The following NRG3 variants were observed in gnomAD, a reference collection of about 807,000 sequenced individuals.
The protein encoded by NRG3 is pro-neuregulin-3, membrane-bound isoform.
A neutral mutation model predicts 66.9 loss-of-function variants in NRG3; 31 were observed. That is an observed-to-expected ratio of 0.46 (90% CI 0.35 to 0.63). NRG3 has a LOEUF of 0.63. Among genes scored for constraint, NRG3 ranks in the 20% least tolerant of loss-of-function variants. The pLI, the probability that NRG3 is intolerant of heterozygous loss-of-function variation, is 0.00. For synonymous variants in NRG3, 393 were observed against 359.4 expected (o/e 1.09, Z -1.06); for missense variants, 910 against 878.9 (o/e 1.04, Z -0.45).
intron 3 of NRG3, among the ~76,000 whole-genome samples, chr10:82,743,629 G>A (rs927744759): frequency 1.3e-5 from 2 of 152,194 alleles, no homozygotes; most frequent in African/African-American, 4.8e-5. Flanking sequence ...CCTTCCTCAT[G>A]TTCCCAGGGA....
chr10:82,313,633 TG>T (rs1445974651), intron 1 of NRG3, among the ~76,000 whole-genome samples: 1 of 141,180 alleles, frequency 7.1e-6, no homozygotes, highest in Non-Finnish European at 1.5e-5. Flanking sequence ...ATGATGGATG[TG>T]GGAATGAGCT....
intron 2 of NRG3, among the ~76,000 whole-genome samples, chr10:82,600,415 ATATTG>A (rs1180699978): frequency 6.6e-6 from 1 of 152,160 alleles, no homozygotes; most frequent in Non-Finnish European, 1.5e-5. Context: ...TTTTTGGAAT[ATATTG>A]TATTGTATAG....
chr10:81,964,492 A>G (rs2059656372), intron 1 of NRG3, among the ~76,000 whole-genome samples: 1 of 152,046 alleles, frequency 6.6e-6, no homozygotes, highest in South Asian at 2.1e-4. Context: ...ACCGTACAGT[A>G]GTGAATTTAA....
intron 1 of NRG3, among the ~76,000 whole-genome samples, chr10:82,181,654 T>A (rs1414077384): frequency 1.3e-5 from 2 of 151,890 alleles, no homozygotes; most frequent in African/African-American, 4.8e-5. Flanking sequence ...TTAAATTTGT[T>A]AGGACAAGTC....
rs537143874 is a variant in NRG3 at position 82,502,755 on chromosome 10, G to A, written c.953+143887G>A. ...TCACACTAGTATGGAATTTAACAAG[G>A]TAATTTAAAAATTATTTTCTATAAC... On this transcript the variant is annotated intron_variant, in intron 2 of 8. Transcript: ENST00000372141. Among the ~76,000 whole-genome samples, 17 of 152,072 alleles carry A rather than the reference G, an allele frequency of 1.1e-4. No individual in the cohort carries two copies. The South Asian group carries it at 2.5e-3, about 22-fold the overall frequency.
At chr10:82,115,922 C>T (rs2067683783) in intron 1 of NRG3, among the ~76,000 whole-genome samples, 1 of 152,196 alleles carries the variant, frequency 6.6e-6, no homozygotes, top group African/African-American at 2.4e-5. Flanking sequence ...CTCACATGAT[C>T]CTGGTCCCTG....
At chr10:82,885,767 GC>G (rs1258171009) in intron 4 of NRG3, among the ~76,000 whole-genome samples, 2 of 152,132 alleles carry the variant, frequency 1.3e-5, no homozygotes, top group African/African-American at 4.8e-5. Flanking sequence ...TCACCGTGTT[GC>G]CCAGTCTGGT....
intron 2 of NRG3, among the ~76,000 whole-genome samples, chr10:82,559,443 T>C (rs1472361982): frequency 6.6e-6 from 1 of 152,186 alleles, no homozygotes; most frequent in East Asian, 1.9e-4. Flanking sequence ...ACTCACCCAG[T>C]TGAGTACTTA....
intron 2 of NRG3, among the ~76,000 whole-genome samples, chr10:82,480,684 C>A (rs978914671): frequency 1.3e-5 from 2 of 152,196 alleles, no homozygotes; most frequent in African/African-American, 4.8e-5. Flanking sequence ...TTCATACAGC[C>A]CGTGCATGGC....
Position 82,120,016 on chromosome 10 carries a change from A to G in NRG3, c.824-238723A>G, listed in dbSNP as rs940119039. Among the ~76,000 whole-genome samples the G allele has an allele frequency of 5.3e-5, 8 of 152,160 alleles. 1 individual carries two copies. The highest frequency in any genetic ancestry group is 2.0e-4 in the Admixed American group (3 of 15,270). ...TGTTTTAAGGGAATATGACACAGTT[A>G]CTTCCTAAAATAAATGAAGAATTTT... On this transcript the variant is annotated intron_variant, in intron 1 of 8. Coordinates refer to ENST00000372141, the MANE Select transcript of NRG3 (RefSeq NM_001010848.4).
rs549981466 is a variant in NRG3, at chr10:82,102,466, A to G, written c.823+226303A>G. On this transcript the variant is annotated intron_variant, in intron 1 of 8. Transcript: ENST00000372141. ...GATCATTTATATACAGTAATTATTGACATGGTTTTATTTAGGTTTAGCTTT... is the reference window on the plus strand; with the variant it reads ...GATCATTTATATACAGTAATTATTGGCATGGTTTTATTTAGGTTTAGCTTT... Among the ~76,000 whole-genome samples, 155 of 151,190 alleles carry G rather than the reference A, an allele frequency of 1.0e-3. 1 individual carries two copies. Among genetic ancestry groups the G allele is most frequent in the African/African-American group, 3.6e-3 (147 of 41,356 alleles).
At chr10:81,931,172 C>T (rs1473978365) in intron 1 of NRG3, among the ~76,000 whole-genome samples, 2 of 152,284 alleles carry the variant, frequency 1.3e-5, no homozygotes, top group East Asian at 1.9e-4. Context: ...CCTCACTTTT[C>T]TGGAGGTCAG....
intron 1 of NRG3, among the ~76,000 whole-genome samples, chr10:82,010,521 AAC>A (rs1156301263): frequency 6.6e-6 from 1 of 152,194 alleles, no homozygotes; most frequent in African/African-American, 2.4e-5. Flanking sequence ...TTATTAATAA[AAC>A]AGTCTGCTAC....
chr10:82,179,766 G>A (rs1274610764), intron 1 of NRG3, among the ~76,000 whole-genome samples: 1 of 151,692 alleles, frequency 6.6e-6, no homozygotes, highest in Non-Finnish European at 1.5e-5. Context: ...TTTTATTTCT[G>A]TAAAGATTGC....
intron 2 of NRG3, among the ~76,000 whole-genome samples, chr10:82,466,593 A>C (rs1395565255): frequency 6.6e-6 from 1 of 152,194 alleles, no homozygotes; most frequent in African/African-American, 2.4e-5. Flanking sequence ...CTGGTAAATA[A>C]GCAGGATGCT....
chr10:82,907,420 T>C (rs908616880), intron 4 of NRG3, among the ~76,000 whole-genome samples: 1 of 152,268 alleles, frequency 6.6e-6, no homozygotes, highest in Non-Finnish European at 1.5e-5. Flanking sequence ...GATTCTATTG[T>C]AGTCTCCTCC....
chr10:82,274,504 A>G (rs1359227841), intron 1 of NRG3, among the ~76,000 whole-genome samples: 1 of 152,036 alleles, frequency 6.6e-6, no homozygotes, highest in African/African-American at 2.4e-5. Flanking sequence ...AATTGCTATA[A>G]TCTATTGTGT....
chr10:82,324,611 GCT>G (rs1177648441), intron 1 of NRG3, among the ~76,000 whole-genome samples: 1 of 151,980 alleles, frequency 6.6e-6, no homozygotes, highest in African/African-American at 2.4e-5. Context: ...ATATTGATAT[GCT>G]CTGTTTTTAT....
intron 1 of NRG3, among the ~76,000 whole-genome samples, chr10:81,976,673 A>G (rs944741841): frequency 2.0e-5 from 3 of 152,186 alleles, no homozygotes; most frequent in African/African-American, 7.2e-5. Context: ...TGTCACCCAA[A>G]TGAAGAAATG....
Sources: gnomAD v4.1 joint callset for allele counts (sites outside exome capture counted in the v4.1 genomes callset) on GRCh38, gnomAD v4.1.1 for gene constraint, MANE v1.5 for transcripts, NCBI Gene and HGNC (gene_info 2026-07-23, HGNC 2026-07-21) for gene names.